TRIM35: variants seen among roughly 807,000 people sequenced by gnomAD.
TRIM35 encodes the protein tripartite motif containing 35.
Under a neutral mutation model 49.1 loss-of-function variants are expected in TRIM35, and 37 were observed. That is an observed-to-expected ratio of 0.75 (90% CI 0.58 to 0.99). TRIM35 has a LOEUF of 0.99. Ranked by LOEUF, TRIM35 falls within the 50% of genes least tolerant of loss-of-function variation. The pLI, the probability that TRIM35 is intolerant of heterozygous loss-of-function variation, is 0.00. For synonymous variants in TRIM35, 302 were observed against 289.3 expected, an observed-to-expected ratio of 1.04 and a Z score of -0.45; for missense variants, 648 against 702.7, an observed-to-expected ratio of 0.92 and a Z score of 0.88.
rs1215303205 is a variant in TRIM35, at chr8:27,294,199, G to C, written c.643C>G (p.Gln215Glu). ...ILDAMAEETR[Q>E]KQLLADEKMK... Reference sequence around the variant, plus strand: ...TTCTCGTCGGCCAGAAGTTGCTTCTGCCTTGTCTCCTCGGCCATGGCATCC... The same window carrying C: ...TTCTCGTCGGCCAGAAGTTGCTTCTCCCTTGTCTCCTCGGCCATGGCATCC... Residue 215 changes from glutamine to glutamate, a missense_variant, in exon 3 of 6, where the codon CAG (glutamine) becomes GAG (glutamate). Transcript: ENST00000305364. 3.1e-6 allele frequency: 5 copies of C among 1,614,084 alleles called. No homozygotes were observed. The African/African-American group carries it at 4.0e-5, about 13-fold the overall frequency.
At chr8:27,307,333 C>G (rs888248372) in intron 1 of TRIM35, among the ~76,000 whole-genome samples, 2 of 151,962 alleles carry the variant, frequency 1.3e-5, no homozygotes, top group Admixed American at 6.6e-5. Context: ...TGTGCCCCGC[C>G]GCCACACCCC....
At chr8:27,310,418 T>C (rs900035242) in intron 1 of TRIM35, among the ~76,000 whole-genome samples, 4 of 152,212 alleles carry the variant, frequency 2.6e-5, no homozygotes, top group African/African-American at 9.6e-5. Context: ...CCTCCTCCAC[T>C]TCTAAATTGA....
At position 27,288,651 on chromosome 8, in the gene TRIM35, C is replaced by T. The variant is rs553823922; in HGVS notation, c.904+511G>A. 4.6e-5 allele frequency among the ~76,000 whole-genome samples: 7 copies of T among 152,292 alleles called. No individual in the cohort carries two copies. The South Asian group carries it at 1.5e-3, about 32-fold the overall frequency. On this transcript the variant is annotated intron_variant, in intron 5 of 5. Coordinates refer to ENST00000305364, the MANE Select transcript of TRIM35 (RefSeq NM_171982.5). Reference sequence around the variant, plus strand: ...TCCAGAACTGTGAGAGAGTCAACTTCTGTCATTTTCTAGTTTGTGGTCCTT... The same window carrying T: ...TCCAGAACTGTGAGAGAGTCAACTTTTGTCATTTTCTAGTTTGTGGTCCTT...
In TRIM35 at chr8:27,301,730, C is replaced by T. The variant is rs144822709; in HGVS notation, c.436-3171G>A. ...AGTATACTAGTTTTAAGAAACACCTCCCTACACTGAGATCACAAAAACAAT... is the reference window on the plus strand; with the variant it reads ...AGTATACTAGTTTTAAGAAACACCTTCCTACACTGAGATCACAAAAACAAT... On this transcript the variant is annotated intron_variant, in intron 1 of 5. Transcript: ENST00000305364. 4.7e-3 allele frequency among the ~76,000 whole-genome samples: 716 copies of T among 152,296 alleles called. 9 individuals are homozygous for T. The highest frequency in any genetic ancestry group is 8.8e-3 in the Admixed American group (135 of 15,296).
chr8:27,287,839 T>C lies in TRIM35; in HGVS notation c.1193A>G (p.Tyr398Cys), dbSNP rs1320694740. ...CTCCACGCCCTGCGTGCGGCAGACA[T>C]ACCAGAAGCCCGAGCGTGTGTCGTG... is the stretch of plus-strand genomic sequence containing the variant. Reference protein sequence around the residue: ...CYHDTRSGFWYVCRTQGVEGD... With the variant: ...CYHDTRSGFWCVCRTQGVEGD... The change falls in exon 6 of 6, where the codon TAT (tyrosine) becomes TGT (cysteine). Residue 398 changes from tyrosine (Y) to cysteine (C), a missense_variant. Physicochemically the swap from Tyr to Cys is radical, Grantham distance 194. Transcript: ENST00000305364. The surrounding 1 kb of genome is among the most constrained non-coding windows in gnomAD (Gnocchi z 6.0). 4 of 1,612,790 alleles carry C rather than the reference T, an allele frequency of 2.5e-6. No homozygotes were observed. The highest frequency in any genetic ancestry group is 3.4e-6 in the Non-Finnish European group (4 of 1,179,658).
In TRIM35 at chr8:27,286,789, A is replaced by G. The variant is rs558988975; in HGVS notation, c.*761T>C. 1 of 152,588 alleles carries G rather than the reference A, an allele frequency of 6.6e-6. No individual in the cohort carries two copies. The highest frequency in any genetic ancestry group is 2.4e-5 in the African/African-American group (1 of 41,512). The allele number at this position is 152,588 out of a possible 1,614,324, so 9.5% of individuals were successfully genotyped here. A position where few individuals can be genotyped will look rare whatever the true frequency, so the allele number is the denominator to read the frequency against. ...TCCTCCCAGGCTAGCCAATCCCCCA[A>G]TCCCTAGAGATGGCAAGCATCTGGC... On this transcript the variant is annotated 3_prime_UTR_variant, in exon 6 of 6. Coordinates refer to ENST00000305364, the MANE Select transcript of TRIM35 (RefSeq NM_171982.5).
chr8:27,288,187 G>GATAT, intron 5 of TRIM35, 60 bp from the exon 6 acceptor site: 1 of 1,484,422 alleles, frequency 6.7e-7, no homozygotes, highest in Non-Finnish European at 9.1e-7. Context: ...GCCACACGTG[G>GATAT]ATATCTCCAG....
chr8:27,289,970 G>C (rs1178971303), intron 4 of TRIM35, among the ~76,000 whole-genome samples, 186 bp downstream of exon 4: 3 of 152,132 alleles, frequency 2.0e-5, no homozygotes, highest in Non-Finnish European at 1.5e-5. Flanking sequence ...ACTTGAACTG[G>C]ATGCTGTGAG....
Position 27,294,181 on chromosome 8 carries a change from C to T in TRIM35, c.661G>A (p.Asp221Asn), listed in dbSNP as rs143834830. 1,076 of 1,614,224 alleles carry T rather than the reference C, an allele frequency of 6.7e-4. 2 individuals are homozygous for T. The highest frequency in any genetic ancestry group is 8.6e-4 in the Non-Finnish European group (1,016 of 1,180,040). The change falls in exon 3 of 6, where the codon GAC (aspartate) becomes AAC (asparagine). Residue 221 changes from aspartate (D) to asparagine (N), a missense_variant. Physicochemically the swap from Asp to Asn is conservative, Grantham distance 23. Coordinates refer to ENST00000305364, the MANE Select transcript of TRIM35 (RefSeq NM_171982.5). Reference protein sequence around the residue: ...EETRQKQLLADEKMKQLTEET... With the variant: ...EETRQKQLLANEKMKQLTEET... ...TCTGTGAGCTGCTTCATCTTCTCGTCGGCCAGAAGTTGCTTCTGCCTTGTC... is the reference window on the plus strand; with the variant it reads ...TCTGTGAGCTGCTTCATCTTCTCGTTGGCCAGAAGTTGCTTCTGCCTTGTC...
At chr8:27,306,735 C>T (rs1015638319) in intron 1 of TRIM35, among the ~76,000 whole-genome samples, 1 of 152,182 alleles carries the variant, frequency 6.6e-6, no homozygotes, top group Non-Finnish European at 1.5e-5. Context: ...TGTGCCGGAC[C>T]CAAATGAAGG....
At chr8:27,299,219 T>A (rs1802635780) in intron 1 of TRIM35, among the ~76,000 whole-genome samples, 2 of 152,182 alleles carry the variant, frequency 1.3e-5, no homozygotes, top group Admixed American at 6.5e-5. Flanking sequence ...GTTTCTGATG[T>A]CCTTGGACAA....
chr8:27,294,371 A>T (rs1371863301), intron 2 of TRIM35, 61 bp from the exon 3 acceptor site: 2 of 1,501,778 alleles, frequency 1.3e-6, no homozygotes, highest in Non-Finnish European at 1.8e-6. Flanking sequence ...ATAGCCCAGC[A>T]ACTTTCCCAT....
intron 2 of TRIM35, among the ~76,000 whole-genome samples, chr8:27,296,236 C>G (rs1802563432): frequency 6.6e-6 from 1 of 151,216 alleles, no homozygotes; most frequent in African/African-American, 2.4e-5. Flanking sequence ...AAATGTGCGC[C>G]ATGGTGGTCT....
At chr8:27,301,650 T>G (rs533405149) in intron 1 of TRIM35, among the ~76,000 whole-genome samples, 1 of 152,224 alleles carries the variant, frequency 6.6e-6, no homozygotes, top group African/African-American at 2.4e-5. Context: ...TACTTCATCA[T>G]TTATCTTTCT....
At position 27,286,083 on chromosome 8, in the gene TRIM35, A is replaced by G; in HGVS notation, c.*1467T>C. 2.2e-6 allele frequency: 1 copy of G among 456,296 alleles called. No homozygotes were observed. Among genetic ancestry groups the G allele is most frequent in the Non-Finnish European group, 4.4e-6 (1 of 226,956 alleles). 28.3% of individuals were successfully genotyped at this position (456,296 alleles called of 1,614,324 possible). ...CTTTTGTGAACTGAAGGGGATGGGCAGAAGGCAGGATGCTGTCCTTGGTCA... is the reference window on the plus strand; with the variant it reads ...CTTTTGTGAACTGAAGGGGATGGGCGGAAGGCAGGATGCTGTCCTTGGTCA... On this transcript the variant is annotated 3_prime_UTR_variant, in exon 6 of 6. Coordinates refer to ENST00000305364, the MANE Select transcript of TRIM35 (RefSeq NM_171982.5).
chr8:27,288,085 G>A lies in TRIM35; in HGVS notation c.947C>T (p.Ser316Phe). The A allele has an allele frequency of 1.2e-6, 2 of 1,611,536 alleles. No homozygotes were observed. The highest frequency in any genetic ancestry group is 1.7e-6 in the Non-Finnish European group (2 of 1,179,960). The change falls in exon 6 of 6, where the codon TCC becomes TTC. Residue 316 changes from serine to phenylalanine, a missense_variant. Coordinates refer to ENST00000305364, the MANE Select transcript of TRIM35 (RefSeq NM_171982.5). The part of the protein sequence containing the change: ...FDPNTAAGWL[S>F]VSDDLTSVTN... ...GACGCTGGTGAGGTCGTCAGACACG[G>A]AGAGCCAGCCAGCTGCGGTGTTGGG...
chr8:27,311,115 A>G lies in TRIM35; in HGVS notation c.121T>C (p.Cys41Arg). ...AVTLRCGHNF[C>R]RGCVSRCWEV... ...CAGCAGCGGCTCACGCACCCGCGGC[A>G]GAAGTTGTGGCCGCAGCGCAGAGTG... Residue 41 changes from cysteine to arginine, a missense_variant, in exon 1 of 6, where the codon TGC (cysteine) becomes CGC (arginine). Physicochemically the swap from Cys to Arg is radical, Grantham distance 180. Transcript: ENST00000305364. 6.2e-7 allele frequency: 1 copy of G among 1,600,766 alleles called. No individual in the cohort carries two copies. Among genetic ancestry groups the G allele is most frequent in the Non-Finnish European group, 8.5e-7 (1 of 1,174,894 alleles).
intron 1 of TRIM35, among the ~76,000 whole-genome samples, chr8:27,308,848 G>T (rs1802841552): frequency 6.6e-6 from 1 of 152,176 alleles, no homozygotes; most frequent in South Asian, 2.1e-4. Context: ...GCTGTTCACA[G>T]CAAGGGTGAG....
At chr8:27,297,026 G>A (rs1016569726) in intron 2 of TRIM35, among the ~76,000 whole-genome samples, 1 of 152,168 alleles carries the variant, frequency 6.6e-6, no homozygotes, top group Admixed American at 6.5e-5. Context: ...CTTGGAGGGG[G>A]TTGAGGGATT....
Sources: allele counts gnomAD v4.1 joint callset (sites outside exome capture counted in the v4.1 genomes callset), GRCh38; gene constraint gnomAD v4.1.1; non-coding constraint Gnocchi (gnomAD v3.1); transcripts MANE v1.5; gene names NCBI Gene and HGNC (gene_info 2026-07-23, HGNC 2026-07-21).